Variants in SRPK2 observed in about 807,000 individuals in gnomAD.
SRPK2 encodes the protein SRSF protein kinase 2.
A neutral mutation model predicts 90.8 loss-of-function variants in SRPK2; 21 were observed. That is an observed-to-expected ratio of 0.23 (90% CI 0.16 to 0.33). The LOEUF is 0.33. Among genes scored for constraint, SRPK2 ranks in the 10% least tolerant of loss-of-function variants. SRPK2 has a pLI of 1.00. For synonymous variants in SRPK2, 288 were observed against 311.1 expected (o/e 0.93, Z 0.78); for missense variants, 620 against 869.0 (o/e 0.71, Z 3.60).
intron 2 of SRPK2, among the ~76,000 whole-genome samples, chr7:105,323,172 AGAGT>A (rs555805114): frequency 2.1e-3 from 314 of 152,336 alleles, no homozygotes; most frequent in Non-Finnish European, 3.5e-3. Context: ...CCTGGGCGAC[AGAGT>A]GAGACTCCAT....
At chr7:105,313,265 G>C (rs1001491506) in intron 2 of SRPK2, among the ~76,000 whole-genome samples, 2 of 151,656 alleles carry the variant, frequency 1.3e-5, no homozygotes, top group Non-Finnish European at 2.9e-5. Flanking sequence ...GCGTAACATG[G>C]TAAAACCCCA....
At chr7:105,285,629 A>G (rs955096022) in intron 2 of SRPK2, among the ~76,000 whole-genome samples, 1 of 152,104 alleles carries the variant, frequency 6.6e-6, no homozygotes, top group South Asian at 2.1e-4. Context: ...ATGGCTTAGC[A>G]TTGTTCCCTT....
intron 2 of SRPK2, among the ~76,000 whole-genome samples, chr7:105,327,337 C>G (rs1283562149): frequency 2.0e-5 from 3 of 152,198 alleles, no homozygotes; most frequent in Non-Finnish European, 2.9e-5. Flanking sequence ...ATTTGTTTAT[C>G]TATGGTCCAT....
intron 2 of SRPK2, among the ~76,000 whole-genome samples, chr7:105,343,534 G>A (rs903557021): frequency 3.3e-5 from 5 of 152,228 alleles, no homozygotes; most frequent in Non-Finnish European, 7.3e-5. Context: ...GAAATCTGCA[G>A]ACATCTGTGT....
intron 2 of SRPK2, among the ~76,000 whole-genome samples, chr7:105,326,054 C>T (rs1005938285): frequency 2.0e-5 from 3 of 152,232 alleles, no homozygotes; most frequent in Non-Finnish European, 4.4e-5. Context: ...TGCGGAGAGC[C>T]ATCATCCTGG....
chr7:105,269,270 A>T (rs1051988918), intron 2 of SRPK2, among the ~76,000 whole-genome samples: 1 of 152,140 alleles, frequency 6.6e-6, no homozygotes, highest in Non-Finnish European at 1.5e-5. Context: ...TAATAAACAG[A>T]TATGCAACCC....
chr7:105,284,310 A>T (rs1807743816), intron 2 of SRPK2, among the ~76,000 whole-genome samples: 1 of 152,156 alleles, frequency 6.6e-6, no homozygotes, highest in Non-Finnish European at 1.5e-5. Context: ...CAAACAGAAA[A>T]AAATGGTACA....
At chr7:105,228,043 C>T (rs770933805) in intron 2 of SRPK2, among the ~76,000 whole-genome samples, 16 of 151,992 alleles carry the variant, frequency 1.1e-4, no homozygotes, top group Non-Finnish European at 4.4e-5. Flanking sequence ...AACCAATATC[C>T]TAATTTCTTT....
At chr7:105,128,915 C>A (rs1171466409) in intron 13 of SRPK2, among the ~76,000 whole-genome samples, 1 of 152,178 alleles carries the variant, frequency 6.6e-6, no homozygotes, top group Non-Finnish European at 1.5e-5. Context: ...TGAAAAAAAT[C>A]ATCATTTTGA....
At chr7:105,367,501 A>T (rs1331306370) in intron 2 of SRPK2, among the ~76,000 whole-genome samples, 1 of 151,948 alleles carries the variant, frequency 6.6e-6, no homozygotes, top group Non-Finnish European at 1.5e-5. Context: ...TGGCTCAAGC[A>T]ATCCACCCAC....
intron 2 of SRPK2, among the ~76,000 whole-genome samples, chr7:105,292,560 T>C (rs1030996401): frequency 1.3e-5 from 2 of 150,420 alleles, no homozygotes; most frequent in East Asian, 3.9e-4. Flanking sequence ...ACTCCAGGCT[T>C]TTCCTTATTG....
intron 2 of SRPK2, among the ~76,000 whole-genome samples, chr7:105,371,700 C>T (rs931121875): frequency 6.6e-6 from 1 of 151,636 alleles, no homozygotes; most frequent in African/African-American, 2.4e-5. Flanking sequence ...GTCAAGGCTG[C>T]AGAGTGAGAC....
At chr7:105,354,651 C>T (rs117434557) in intron 2 of SRPK2, among the ~76,000 whole-genome samples, 235 of 152,270 alleles carry the variant, frequency 1.5e-3, no homozygotes, top group Non-Finnish European at 2.2e-3. Flanking sequence ...TCTGTCCAGC[C>T]CTGGTCTCTA....
At chr7:105,296,786 A>AT (rs1333290452) in intron 2 of SRPK2, among the ~76,000 whole-genome samples, 2 of 152,220 alleles carry the variant, frequency 1.3e-5, no homozygotes, top group Non-Finnish European at 2.9e-5. Flanking sequence ...CTTACTACTT[A>AT]TTAGCTCATT....
Position 105,284,918 on chromosome 7 carries a change from G to A in SRPK2, c.72-81133C>T, listed in dbSNP as rs143963513. Among the ~76,000 whole-genome samples, 352 of 152,164 alleles carry A rather than the reference G, an allele frequency of 2.3e-3. 1 individual carries two copies. The highest frequency in any genetic ancestry group is 8.1e-3 in the African/African-American group (338 of 41,510). Reference sequence around the variant, plus strand: ...AGGCACCAACTAAAAATCTAAACTCGTTCTTCAATTTAATAAGCAAGAATC... The same window carrying A: ...AGGCACCAACTAAAAATCTAAACTCATTCTTCAATTTAATAAGCAAGAATC... On this transcript the variant is annotated intron_variant, in intron 2 of 15. Coordinates refer to ENST00000393651, the MANE Select transcript of SRPK2 (RefSeq NM_182692.3).
chr7:105,247,300 A>G (rs896555203), intron 2 of SRPK2, among the ~76,000 whole-genome samples: 14 of 152,176 alleles, frequency 9.2e-5, no homozygotes, highest in African/African-American at 3.4e-4. Flanking sequence ...AAGTTATCTC[A>G]CAGCCTCACT....
intron 2 of SRPK2, among the ~76,000 whole-genome samples, chr7:105,384,194 G>A (rs533140147): frequency 2.6e-5 from 4 of 152,180 alleles, no homozygotes; most frequent in South Asian, 4.2e-4. Context: ...CATACTATAA[G>A]GCAAAAATTT....
intron 2 of SRPK2, among the ~76,000 whole-genome samples, chr7:105,236,380 C>T (rs1800143777): frequency 6.6e-6 from 1 of 151,184 alleles, no homozygotes; most frequent in East Asian, 1.9e-4. Context: ...GTGCATCTTC[C>T]CATCAACAGT....
At chr7:105,379,193 G>C (rs1820656009) in intron 2 of SRPK2, among the ~76,000 whole-genome samples, 2 of 151,718 alleles carry the variant, frequency 1.3e-5, no homozygotes, top group Admixed American at 6.6e-5. Flanking sequence ...CTCTGAAACT[G>C]TGGACTCTGC....
Sources: allele counts gnomAD v4.1 joint callset (sites outside exome capture counted in the v4.1 genomes callset), GRCh38; gene constraint gnomAD v4.1.1; transcripts MANE v1.5; gene names NCBI Gene and HGNC (gene_info 2026-07-23, HGNC 2026-07-21).